The following PSMD11 variants were observed in gnomAD, a reference collection of about 807,000 sequenced individuals.
PSMD11 encodes the protein proteasome 26S subunit, non-ATPase 11, also known as 26S proteasome non-ATPase regulatory subunit 11.
Under a neutral mutation model 62.3 loss-of-function variants are expected in PSMD11, and 5 were observed. The ratio of observed to expected loss-of-function variants is 0.08; its 90% CI spans 0.04 to 0.17. The LOEUF (loss-of-function observed/expected upper bound fraction) is 0.17. PSMD11 is among the 10% of genes least tolerant of loss of function. The pLI is 1.00. For synonymous variants in PSMD11, 191 were observed against 191.8 expected (o/e 1.00, Z 0.03); for missense variants, 310 against 512.9 (o/e 0.60, Z 3.82).
At chr17:32,461,845 T>C (rs1396659634) in intron 3 of PSMD11, among the ~76,000 whole-genome samples, 1 of 152,204 alleles carries the variant, frequency 6.6e-6, no homozygotes, top group Non-Finnish European at 1.5e-5. Context: ...TAGTTTTTCG[T>C]TCTGTCTTAT....
chr17:32,480,684 C>G, intron 13 of PSMD11, 53 bp downstream of exon 13: 3 of 1,596,052 alleles, frequency 1.9e-6, no homozygotes, highest in South Asian at 2.2e-5. Flanking sequence ...TTCTGCGTGT[C>G]GAGACTGAAA....
At chr17:32,452,613 A>G (rs1907539745) in intron 2 of PSMD11, among the ~76,000 whole-genome samples, 1 of 152,232 alleles carries the variant, frequency 6.6e-6, no homozygotes, top group South Asian at 2.1e-4. Flanking sequence ...TACTTAAAGT[A>G]TTTTTCAAAA....
At chr17:32,459,125 T>C (rs1471277755) in intron 3 of PSMD11, among the ~76,000 whole-genome samples, 1 of 143,040 alleles carries the variant, frequency 7.0e-6, no homozygotes, top group African/African-American at 2.6e-5. Context: ...CATATATATA[T>C]ATATATATAT....
At position 32,454,610 on chromosome 17, in the gene PSMD11, A is replaced by C. The variant is rs577597533; in HGVS notation, c.309A>C (p.Thr103=). 1.3e-4 allele frequency: 211 copies of C among 1,613,430 alleles called. 1 individual carries two copies. The South Asian group carries it at 2.0e-3, about 15-fold the overall frequency. ...LDLFLDMEAA[T]GQEVELCLEC... ...TGTTTCTTGATATGGAAGCAGCTACAGGGCAGGAGGTAAGTGATATTAATG... is the reference window on the plus strand; with the variant it reads ...TGTTTCTTGATATGGAAGCAGCTACCGGGCAGGAGGTAAGTGATATTAATG... Residue 103 remains threonine, a synonymous_variant, in exon 3 of 14, where the codon ACA becomes ACC. Transcript: ENST00000261712.
chr17:32,478,654 C>T (rs1036281458), intron 9 of PSMD11, among the ~76,000 whole-genome samples: 3 of 152,208 alleles, frequency 2.0e-5, no homozygotes, highest in African/African-American at 7.2e-5. Flanking sequence ...TGCTGATGGT[C>T]CTCATAAAAC....
At chr17:32,467,673 G>T (rs1908037421) in intron 5 of PSMD11, among the ~76,000 whole-genome samples, 1 of 152,276 alleles carries the variant, frequency 6.6e-6, no homozygotes, top group East Asian at 1.9e-4. Context: ...GTACAGTGGT[G>T]CAGTCATAGC....
chr17:32,470,847 T>G (rs1908144431), intron 6 of PSMD11, among the ~76,000 whole-genome samples: 1 of 152,212 alleles, frequency 6.6e-6, no homozygotes, highest in Non-Finnish European at 1.5e-5. Flanking sequence ...TTTCCTTAGC[T>G]ACAGAGAAGA....
intron 3 of PSMD11, among the ~76,000 whole-genome samples, chr17:32,457,376 T>G (rs993575064): frequency 6.6e-6 from 1 of 152,086 alleles, no homozygotes; most frequent in African/African-American, 2.4e-5. Context: ...TAGCTGGAAC[T>G]ACAGGCATGC....
At chr17:32,447,129 C>A in intron 2 of PSMD11, 83 bp downstream of exon 2, 1 of 1,079,998 alleles carries the variant, frequency 9.3e-7, no homozygotes, top group Non-Finnish European at 1.3e-6. Flanking sequence ...GGGACTGATC[C>A]ACAAACTGAA....
At position 32,469,210 on chromosome 17, in the gene PSMD11, T is replaced by C. The variant is rs774569757; in HGVS notation, c.643+17T>C. 1.2e-6 allele frequency: 2 copies of C among 1,604,886 alleles called. No individual in the cohort carries two copies. The highest frequency in any genetic ancestry group is 1.7e-5 in the Admixed American group (1 of 59,324). Reference sequence around the variant, plus strand: ...TGCAGTCGGGTAACAGACGTAGCTATTCCTGGGATGTGTTTTCTTAAAGCT... The same window carrying C: ...TGCAGTCGGGTAACAGACGTAGCTACTCCTGGGATGTGTTTTCTTAAAGCT... On this transcript the variant is annotated intron_variant, in intron 6 of 13. Coordinates refer to ENST00000261712, the MANE Select transcript of PSMD11 (RefSeq NM_002815.4).
chr17:32,473,156 C>CA (rs111700075), intron 6 of PSMD11, among the ~76,000 whole-genome samples: 85 of 139,334 alleles, frequency 6.1e-4, no homozygotes, highest in Middle Eastern at 3.6e-3. Flanking sequence ...AGACTCGGCT[C>CA]AAAAAAAAAA....
At chr17:32,453,750 A>G (rs1323784237) in intron 2 of PSMD11, among the ~76,000 whole-genome samples, 1 of 152,166 alleles carries the variant, frequency 6.6e-6, no homozygotes, top group Non-Finnish European at 1.5e-5. Flanking sequence ...TGACAAGCAT[A>G]TCTCTAGTTT....
chr17:32,445,737 G>C (rs549177456), intron 1 of PSMD11: 8 of 152,356 alleles, frequency 5.3e-5, no homozygotes, highest in Admixed American at 3.9e-4. Flanking sequence ...ATTTGACTTA[G>C]TGTGTTGAAT....
intron 9 of PSMD11, 26 bp downstream of exon 9, chr17:32,477,609 G>A (rs1908366336): frequency 1.9e-6 from 3 of 1,571,182 alleles, no homozygotes; most frequent in Non-Finnish European, 2.6e-6. Context: ...GGTTGGTATG[G>A]AATGTGAGTG....
chr17:32,477,313 C>T lies in PSMD11; in HGVS notation c.850-208C>T, dbSNP rs1288691914. ...TTTCTGTTTCCTAGTATTATTAAGTCATTTCAGGTTTCAAAGGGAAACAGG... is the reference window on the plus strand; with the variant it reads ...TTTCTGTTTCCTAGTATTATTAAGTTATTTCAGGTTTCAAAGGGAAACAGG... On this transcript the variant is annotated intron_variant, in intron 8 of 13. Transcript: ENST00000261712. 7 of 414,924 alleles carry T rather than the reference C, an allele frequency of 1.7e-5. 1 individual carries two copies. Among genetic ancestry groups the T allele is most frequent in the Non-Finnish European group, 3.0e-5 (7 of 234,244 alleles). 25.7% of individuals were successfully genotyped at this position (414,924 alleles called of 1,614,324 possible). A position where few individuals can be genotyped will look rare whatever the true frequency, so the allele number is the denominator to read the frequency against.
chr17:32,456,564 C>T (rs573569693), intron 3 of PSMD11, among the ~76,000 whole-genome samples: 1 of 151,726 alleles, frequency 6.6e-6, no homozygotes, highest in Admixed American at 6.6e-5. Context: ...GAGTCTCGCT[C>T]TGTCGCCCAG....
intron 2 of PSMD11, among the ~76,000 whole-genome samples, chr17:32,451,977 G>T (rs1002484531): frequency 6.6e-6 from 1 of 152,216 alleles, no homozygotes; most frequent in Non-Finnish European, 1.5e-5. Context: ...CAGTCTGCCT[G>T]TCTTGGCCTT....
chr17:32,464,568 A>G lies in PSMD11; in HGVS notation c.438A>G (p.Ala146=). 1 of 1,608,898 alleles carries G rather than the reference A, an allele frequency of 6.2e-7. No individual in the cohort carries two copies. The highest frequency in any genetic ancestry group is 8.5e-7 in the Non-Finnish European group (1 of 1,176,492). ...LYFDTKRYQE[A]LHLGSQLLRE... is the part of the protein sequence containing the mutation. ...TTGATACCAAGAGGTACCAGGAAGC[A>G]TTGCATTTGGGTAAGTAAGCTGGTA... is the stretch of plus-strand genomic sequence containing the variant. The change falls in exon 5 of 14, where the codon GCA becomes GCG. Residue 146 remains alanine (A), a synonymous_variant. Transcript: ENST00000261712.
intron 2 of PSMD11, among the ~76,000 whole-genome samples, chr17:32,453,425 G>A (rs1176228330): frequency 6.6e-6 from 1 of 152,170 alleles, no homozygotes; most frequent in Non-Finnish European, 1.5e-5. Context: ...ATGGCGAAAA[G>A]TTTTAAACAT....
Sources: gnomAD v4.1 joint callset for allele counts (sites outside exome capture counted in the v4.1 genomes callset) on GRCh38, gnomAD v4.1.1 for gene constraint, MANE v1.5 for transcripts, NCBI Gene and HGNC (gene_info 2026-07-23, HGNC 2026-07-21) for gene names.